The following ZNF761 variants were observed in gnomAD, a reference collection of about 807,000 sequenced individuals.
ZNF761 encodes the protein zinc finger protein 761.
ZNF761 carries 43 observed loss-of-function variants against 59.9 expected under a neutral mutation model. The observed-to-expected ratio is 0.72, with a 90% CI of 0.56 to 0.92. The LOEUF (loss-of-function observed/expected upper bound fraction) is 0.92, where lower values mean the gene tolerates loss of function less well. ZNF761 is among the 40% of genes least tolerant of loss of function. The pLI, the probability that ZNF761 is intolerant of heterozygous loss-of-function variation, is 0.00. For missense variants in ZNF761, 850 were observed against 906.1 expected (o/e 0.94, Z 0.79); for synonymous variants, 294 against 304.8 (o/e 0.96, Z 0.37).
chr19:53,442,169 G>A, intron 1 of ZNF761: 1 of 1,131,696 alleles, frequency 8.8e-7, no homozygotes, highest in East Asian at 2.3e-5. Context: ...AAAAGATGAA[G>A]AAGATGGAAC....
intron 1 of ZNF761, among the ~76,000 whole-genome samples, chr19:53,432,909 C>T (rs574885021): frequency 6.6e-6 from 1 of 151,492 alleles, no homozygotes; most frequent in Non-Finnish European, 1.5e-5. Flanking sequence ...GAGGGAGGCT[C>T]ATCAGGGTGA....
At chr19:53,435,509 G>A (rs1435142084) in intron 1 of ZNF761, among the ~76,000 whole-genome samples, 1 of 151,798 alleles carries the variant, frequency 6.6e-6, no homozygotes, top group African/African-American at 2.4e-5. Context: ...CTCCATGTTG[G>A]TGAGGCTGGT....
rs1015034080 is a variant in ZNF761, at chr19:53,442,323, T to C, written c.-184-3904T>C. The C allele has an allele frequency of 2.5e-6, 3 of 1,191,258 alleles. No homozygotes were observed. The African/African-American group carries it at 4.4e-5, about 18-fold the overall frequency. 73.8% of individuals were successfully genotyped at this position (1,191,258 alleles called of 1,614,324 possible). A position where few individuals can be genotyped will look rare whatever the true frequency, so the allele number is the denominator to read the frequency against. On this transcript the variant is annotated intron_variant, in intron 1 of 4. Coordinates refer to ENST00000684525, the MANE Select transcript of ZNF761 (RefSeq NM_001289951.2). ...AGCTGAGCTGGCAGAGTCCCGTTGC[T>C]GAGAGATGGATGAGCAGATCAGACT...
At chr19:53,443,833 A>T (rs7259748) in intron 1 of ZNF761, 56,807 of 151,884 alleles carry the variant, frequency 0.37, 11,809 homozygotes, top group African/African-American at 0.55. Flanking sequence ...AGAAGAAGAC[A>T]TAAGAAACTC....
In ZNF761 at chr19:53,457,028, G is replaced by A. The variant is rs1312623708; in HGVS notation, c.*280G>A. 3.5e-5 allele frequency: 20 copies of A among 577,772 alleles called. 1 individual carries two copies. The highest frequency in any genetic ancestry group is 7.7e-5 in the Admixed American group (3 of 38,764). The allele number at this position is 577,772 out of a possible 1,614,324, so 35.8% of individuals were successfully genotyped here. On this transcript the variant is annotated 3_prime_UTR_variant, in exon 5 of 5. Coordinates refer to ENST00000684525, the MANE Select transcript of ZNF761 (RefSeq NM_001289951.2). ...GTGACAAGGCTTTTGGGCATGATTC[G>A]CACCTGGCACAACATGCTAGAATTC... is the stretch of plus-strand genomic sequence containing the variant.
rs1445172100 is a variant in ZNF761, at chr19:53,455,891, G to A, written c.1384G>A (p.Gly462Arg). ...TACATGCCATCGTAGACGTCATACTGGAGAGCAACCTTACAAATGTGAAGA... is the reference window on the plus strand; with the variant it reads ...TACATGCCATCGTAGACGTCATACTAGAGAGCAACCTTACAAATGTGAAGA... ...SLTCHRRRHT[G>R]EQPYKCEECD... is the part of the protein sequence containing the mutation. Residue 462 changes from glycine (G) to arginine (R), a missense_variant, in exon 5 of 5, where the codon GGA becomes AGA. Transcript: ENST00000684525. 3 of 1,613,954 alleles carry A rather than the reference G, an allele frequency of 1.9e-6. No homozygotes were observed. Among genetic ancestry groups the A allele is most frequent in the African/African-American group, 1.3e-5 (1 of 75,020 alleles).
chr19:53,451,208 T>G (rs1045414060), intron 4 of ZNF761, among the ~76,000 whole-genome samples: 2 of 152,166 alleles, frequency 1.3e-5, no homozygotes, highest in African/African-American at 4.8e-5. Flanking sequence ...GCCTGTTCAT[T>G]TATTTATTTA....
At chr19:53,450,485 T>C (rs530432921) in intron 4 of ZNF761, 4 of 152,310 alleles carry the variant, frequency 2.6e-5, no homozygotes, top group South Asian at 2.1e-4. Flanking sequence ...CCTTGTGATT[T>C]TGTTACATAT....
At chr19:53,437,949 T>C (rs1337279488) in intron 1 of ZNF761, among the ~76,000 whole-genome samples, 1 of 131,962 alleles carries the variant, frequency 7.6e-6, no homozygotes, top group African/African-American at 2.6e-5. Context: ...CTGAGTCTGA[T>C]GTTACCACTG....
chr19:53,435,800 G>A (rs2086036065), intron 1 of ZNF761, among the ~76,000 whole-genome samples: 1 of 152,118 alleles, frequency 6.6e-6, no homozygotes, highest in Non-Finnish European at 1.5e-5. Context: ...AGCAAGGACA[G>A]AAGAGGGCCT....
chr19:53,450,017 A>G (rs2147138129), intron 4 of ZNF761: 1 of 456,414 alleles, frequency 2.2e-6, no homozygotes, highest in Non-Finnish European at 3.8e-6. Flanking sequence ...ATTTTTGCAT[A>G]TGTGTGGCCG....
Position 53,455,440 on chromosome 19 carries a change from A to C in ZNF761, c.933A>C (p.Ser311=). 1 of 1,613,738 alleles carries C rather than the reference A, an allele frequency of 6.2e-7. No homozygotes were observed. The highest frequency in any genetic ancestry group is 8.5e-7 in the Non-Finnish European group (1 of 1,179,970). Residue 311 remains serine (S), a synonymous_variant, in exon 5 of 5, where the codon TCA becomes TCC. Transcript: ENST00000684525. ...GTGACAAAGCTTTCCATTTCAAATC[A>C]ATACTTGAAAGACATAGGATAATTC... ...EECDKAFHFK[S]ILERHRIIHT...
chr19:53,450,103 GAC>G, intron 4 of ZNF761: 2 of 313,624 alleles, frequency 6.4e-6, no homozygotes, highest in Non-Finnish European at 1.2e-5. Flanking sequence ...AGGCGATCGA[GAC>G]CAGCCCGGCC....
Position 53,441,929 on chromosome 19 carries a change from G to A in ZNF761, c.-184-4298G>A, listed in dbSNP as rs1323818099. 3 of 1,536,168 alleles carry A rather than the reference G, an allele frequency of 2.0e-6. No individual in the cohort carries two copies. The Admixed American group carries it at 5.1e-5, about 26-fold the overall frequency. ...CCAGGTTCTGCAGCACCAGGCAGAT[G>A]ATGCAGAGGAGTGAGCTGAGCACCT... is the stretch of plus-strand genomic sequence containing the variant. On this transcript the variant is annotated intron_variant, in intron 1 of 4. Coordinates refer to ENST00000684525, the MANE Select transcript of ZNF761 (RefSeq NM_001289951.2).
chr19:53,456,972 C>A lies in ZNF761; in HGVS notation c.*224C>A. On this transcript the variant is annotated 3_prime_UTR_variant, in exon 5 of 5. Coordinates refer to ENST00000684525, the MANE Select transcript of ZNF761 (RefSeq NM_001289951.2). The stretch of plus-strand genomic sequence containing the variant: ...ACCGTGAAAGACAGGAGAATTCATA[C>A]TGGAGAGAAACCATAAAAATGTAAG... 1.4e-6 allele frequency: 1 copy of A among 716,590 alleles called. No individual in the cohort carries two copies. The highest frequency in any genetic ancestry group is 2.4e-6 in the Non-Finnish European group (1 of 413,066). 44.4% of individuals were successfully genotyped at this position (716,590 alleles called of 1,614,324 possible).
chr19:53,441,718 G>C (rs1600087011), intron 1 of ZNF761: 5 of 624,748 alleles, frequency 8.0e-6, no homozygotes, highest in East Asian at 6.4e-5. Flanking sequence ...AAAGTGCTGG[G>C]ATTACAGGCA....
intron 1 of ZNF761, among the ~76,000 whole-genome samples, chr19:53,438,094 T>C (rs1253328997): frequency 3.9e-5 from 4 of 103,074 alleles, no homozygotes; most frequent in Non-Finnish European, 8.8e-5. Context: ...TTTGACACAG[T>C]TATGGAGAAG....
chr19:53,454,637 T>G lies in ZNF761; in HGVS notation c.143-13T>G, dbSNP rs778709212. The G allele has an allele frequency of 6.4e-7, 1 of 1,566,668 alleles. No homozygotes were observed. The highest frequency in any genetic ancestry group is 1.9e-5 in the Admixed American group (1 of 52,068). ...TACTTAATTTGAAAGCTTTCGGTGT[T>G]TATGTTTTGTAGATATCTCTTCCAA... is the stretch of plus-strand genomic sequence containing the variant. On this transcript the variant is annotated splice_polypyrimidine_tract_variant and intron_variant, in intron 4 of 4. Transcript: ENST00000684525.
At chr19:53,441,300 A>T (rs944892073) in intron 1 of ZNF761, among the ~76,000 whole-genome samples, 1 of 152,184 alleles carries the variant, frequency 6.6e-6, no homozygotes, top group African/African-American at 2.4e-5. Context: ...AAGCAAACAA[A>T]AAATAAAAAA....
Sources: gnomAD v4.1 joint callset for allele counts (sites outside exome capture counted in the v4.1 genomes callset) on GRCh38, gnomAD v4.1.1 for gene constraint, MANE v1.5 for transcripts, NCBI Gene and HGNC (gene_info 2026-07-23, HGNC 2026-07-21) for gene names.